Variants in SSBP2 observed in about 807,000 individuals in gnomAD.
SSBP2 encodes the protein single-stranded DNA-binding protein 2.
In SSBP2, 17 loss-of-function variants were observed where a neutral mutation model predicts 61.8. The ratio of observed to expected loss-of-function variants is 0.28; its 90% CI spans 0.19 to 0.41. SSBP2 has a LOEUF of 0.41. Among genes scored for constraint, SSBP2 ranks in the 10% least tolerant of loss-of-function variants. The pLI, the probability that SSBP2 is intolerant of heterozygous loss-of-function variation, is 1.00. For missense variants in SSBP2, 310 were observed against 458.7 expected, an observed-to-expected ratio of 0.68 and a Z score of 2.96; for synonymous variants, 139 against 141.3, an observed-to-expected ratio of 0.98 and a Z score of 0.12.
chr5:81,665,855 C>T (rs1175021333), intron 1 of SSBP2, among the ~76,000 whole-genome samples: 1 of 152,148 alleles, frequency 6.6e-6, no homozygotes, highest in Non-Finnish European at 1.5e-5. Flanking sequence ...CTGTATAATT[C>T]CAGTGTGGAC....
At chr5:81,702,154 C>T (rs554384835) in intron 1 of SSBP2, among the ~76,000 whole-genome samples, 7 of 152,182 alleles carry the variant, frequency 4.6e-5, no homozygotes, top group East Asian at 3.9e-4. Flanking sequence ...GGGTAGATCA[C>T]GAGGTCAGGA....
intron 1 of SSBP2, among the ~76,000 whole-genome samples, chr5:81,678,976 T>C (rs898886405): frequency 6.6e-6 from 1 of 152,188 alleles, no homozygotes; most frequent in Non-Finnish European, 1.5e-5. Context: ...AAGAGCATTA[T>C]AGAATGAATA....
rs181042085 is a variant in SSBP2, at chr5:81,557,742, T to C, written c.283-44025A>G. On this transcript the variant is annotated intron_variant, in intron 4 of 16. Transcript: ENST00000320672. ...ACATGTTTCATTATCCTCTAAGTTT[T>C]TGAATATATGGAACATTATAACAAG... Among the ~76,000 whole-genome samples, 476 of 152,322 alleles carry C rather than the reference T, an allele frequency of 3.1e-3. 2 individuals carry two copies. Among genetic ancestry groups the C allele is most frequent in the African/African-American group, 0.011 (452 of 41,564 alleles).
chr5:81,481,419 C>T (rs1765977700), intron 6 of SSBP2, among the ~76,000 whole-genome samples: 1 of 151,816 alleles, frequency 6.6e-6, no homozygotes, highest in African/African-American at 2.4e-5. Flanking sequence ...GTCAGGAGTT[C>T]GAGACCAGCC....
rs1465653184 is a variant in SSBP2, at chr5:81,480,338, T to G, written c.433-5776A>C. Among the ~76,000 whole-genome samples, 8 of 152,222 alleles carry G rather than the reference T, an allele frequency of 5.3e-5. No individual in the cohort carries two copies. In the East Asian group the frequency reaches 1.5e-3, roughly 29 times the overall value. ...TGAATATCACATTAAGTGAGTCATA[T>G]GAATTTTTTGGTTTCCCGTGAATAT... On this transcript the variant is annotated intron_variant, in intron 6 of 16. Coordinates refer to ENST00000320672, the MANE Select transcript of SSBP2 (RefSeq NM_012446.5).
At position 81,569,744 on chromosome 5, in the gene SSBP2, T is replaced by TA. The variant is rs199560947; in HGVS notation, c.282+45728dup. ...CAGACTGCTTTTTGCTGGCAGGTTTTAAAAAAAATCTTCTCACAGGTAGCT... is the reference window on the plus strand; with the variant it reads ...CAGACTGCTTTTTGCTGGCAGGTTTTAAAAAAAAATCTTCTCACAGGTAGCT... On this transcript the variant is annotated intron_variant, in intron 4 of 16. Transcript: ENST00000320672. Among the ~76,000 whole-genome samples the TA allele has an allele frequency of 8.1e-3, 1,226 of 152,200 alleles. 12 individuals are homozygous for TA. Among genetic ancestry groups the TA allele is most frequent in the African/African-American group, 0.028 (1,147 of 41,532 alleles).
At chr5:81,722,401 T>G (rs1339156819) in intron 1 of SSBP2, among the ~76,000 whole-genome samples, 2 of 151,606 alleles carry the variant, frequency 1.3e-5, no homozygotes, top group African/African-American at 2.4e-5. Flanking sequence ...AATTTTGTTT[T>G]TTTTTTTTTT....
chr5:81,514,738 C>T (rs1768881594), intron 4 of SSBP2, among the ~76,000 whole-genome samples: 1 of 151,766 alleles, frequency 6.6e-6, no homozygotes, highest in African/African-American at 2.4e-5. Flanking sequence ...TGTAAAATCT[C>T]AGTATGTTTG....
intron 1 of SSBP2, among the ~76,000 whole-genome samples, chr5:81,718,377 A>G (rs536578348): frequency 6.6e-6 from 1 of 152,294 alleles, no homozygotes; most frequent in African/African-American, 2.4e-5. Context: ...AAAATAGCCG[A>G]TAACAGTGAT....
At chr5:81,695,622 T>C (rs946814267) in intron 1 of SSBP2, among the ~76,000 whole-genome samples, 1 of 151,656 alleles carries the variant, frequency 6.6e-6, no homozygotes, top group Non-Finnish European at 1.5e-5. Context: ...TCCTCAAGGG[T>C]GACTTTTAAA....
chr5:81,603,203 A>G (rs890607931), intron 4 of SSBP2, among the ~76,000 whole-genome samples: 2 of 152,188 alleles, frequency 1.3e-5, no homozygotes, highest in East Asian at 1.9e-4. Context: ...ATGTCTGCTC[A>G]TTTGTGAAGA....
chr5:81,711,065 C>T (rs1026656994), intron 1 of SSBP2, among the ~76,000 whole-genome samples: 4 of 152,040 alleles, frequency 2.6e-5, no homozygotes, highest in East Asian at 1.9e-4. Flanking sequence ...ATAAAAATAA[C>T]AAATCTGATT....
chr5:81,604,240 ATTTTC>A (rs1266889970), intron 4 of SSBP2, among the ~76,000 whole-genome samples: 4 of 150,272 alleles, frequency 2.7e-5, no homozygotes, highest in South Asian at 2.1e-4. Context: ...GGCTTCATGA[ATTTTC>A]TTTTCTTTTC....
At chr5:81,422,198 C>T (rs777901465) in intron 16 of SSBP2, among the ~76,000 whole-genome samples, 2 of 152,034 alleles carry the variant, frequency 1.3e-5, no homozygotes, top group Non-Finnish European at 2.9e-5. Flanking sequence ...CCTGGGTAGG[C>T]GAGCACGAAC....
intron 10 of SSBP2, among the ~76,000 whole-genome samples, chr5:81,453,698 C>T (rs533049272): frequency 2.2e-4 from 33 of 152,124 alleles, no homozygotes; most frequent in Admixed American, 3.9e-4. Context: ...CCTCGTGATC[C>T]GCCTGCCTCG....
At chr5:81,453,523 C>A (rs892188824) in intron 10 of SSBP2, among the ~76,000 whole-genome samples, 1 of 137,144 alleles carries the variant, frequency 7.3e-6, no homozygotes, top group African/African-American at 2.8e-5. Context: ...GGGGCGTGAT[C>A]TCGGCTCACT....
In SSBP2 at chr5:81,437,424, A is replaced by T. The variant is rs748076678; in HGVS notation, c.957+6T>A. ...TTAAAAACAACACAGAATACACAGC[A>T]CTCACCTTGGAAATACTGTCCATAT... On this transcript the variant is annotated splice_donor_region_variant and intron_variant, in intron 15 of 16. Coordinates refer to ENST00000320672, the MANE Select transcript of SSBP2 (RefSeq NM_012446.5). 6.2e-7 allele frequency: 1 copy of T among 1,606,682 alleles called. No homozygotes were observed. Among genetic ancestry groups the T allele is most frequent in the East Asian group, 2.2e-5 (1 of 44,534 alleles).
intron 5 of SSBP2, among the ~76,000 whole-genome samples, chr5:81,511,809 C>A (rs1161132055): frequency 6.6e-6 from 1 of 152,110 alleles, no homozygotes; most frequent in Non-Finnish European, 1.5e-5. Flanking sequence ...ACACACTACA[C>A]CTGCTAGTTT....
At chr5:81,671,651 G>A (rs1751586751) in intron 1 of SSBP2, among the ~76,000 whole-genome samples, 1 of 152,048 alleles carries the variant, frequency 6.6e-6, no homozygotes. Flanking sequence ...TTCTATTAAT[G>A]TTCCAGCACT....
Sources: allele counts gnomAD v4.1 joint callset (sites outside exome capture counted in the v4.1 genomes callset), GRCh38; gene constraint gnomAD v4.1.1; transcripts MANE v1.5; gene names NCBI Gene and HGNC (gene_info 2026-07-23, HGNC 2026-07-21).